Variants in ABCC3 observed in about 807,000 individuals in gnomAD.
The protein encoded by ABCC3 is ATP binding cassette subfamily C member 3.
Under a neutral mutation model 165.3 loss-of-function variants are expected in ABCC3, and 121 were observed. The observed-to-expected ratio is 0.73, with a 90% CI of 0.63 to 0.85. The LOEUF is 0.85. Ranked by LOEUF, ABCC3 falls within the 40% of genes least tolerant of loss-of-function variation. ABCC3 has a pLI of 0.00. For synonymous variants in ABCC3, 733 were observed against 810.1 expected (o/e 0.90, Z 1.62); for missense variants, 1,869 against 1,964.1 (o/e 0.95, Z 0.92).
intron 1 of ABCC3, among the ~76,000 whole-genome samples, chr17:50,653,344 C>CAAAAAAAAAAAAAAAAAAA (rs1298179994): frequency 2.7e-4 from 13 of 47,552 alleles, no homozygotes; most frequent in South Asian, 8.4e-4. Flanking sequence ...GAGACTGTCT[C>CAAAAAAAAAAAAAAAAAAA]AAAAAAAAAA....
Position 50,691,204 on chromosome 17 carries a change from A to G in ABCC3, c.*4A>G. The stretch of plus-strand genomic sequence containing the variant: ...CAGAGATGCTGGACTTGCCTAAAAT[A>G]TATTCCTGAGATTTCCTCCTGGCCT... On this transcript the variant is annotated 3_prime_UTR_variant, in exon 31 of 31. Coordinates refer to ENST00000285238, the MANE Select transcript of ABCC3 (RefSeq NM_003786.4). 1.6e-5 allele frequency: 26 copies of G among 1,608,428 alleles called. No individual in the cohort carries two copies. The highest frequency in any genetic ancestry group is 2.1e-5 in the Non-Finnish European group (25 of 1,174,854).
chr17:50,667,812 A>C (rs756333008), intron 12 of ABCC3, 51 bp from the exon 13 acceptor site: 1 of 1,613,644 alleles, frequency 6.2e-7, no homozygotes, highest in East Asian at 2.2e-5. Context: ...GTGCCCAGGC[A>C]TGGCCAGGGC....
chr17:50,663,164 G>A (rs1332741426), intron 8 of ABCC3: 1 of 155,050 alleles, frequency 6.4e-6, no homozygotes, highest in African/African-American at 2.4e-5. Flanking sequence ...GGGCTGGGAT[G>A]GGCCTGAAGG....
chr17:50,654,012 G>T (rs1156291335), intron 1 of ABCC3, among the ~76,000 whole-genome samples: 1 of 152,142 alleles, frequency 6.6e-6, no homozygotes, highest in African/African-American at 2.4e-5. Flanking sequence ...ATTAAGTTGG[G>T]TTTCAGTTCA....
rs922745071 is a variant in ABCC3, at chr17:50,691,744, G to A, written c.*544G>A. On this transcript the variant is annotated 3_prime_UTR_variant, in exon 31 of 31. Coordinates refer to ENST00000285238, the MANE Select transcript of ABCC3 (RefSeq NM_003786.4). ...TTTGCACTTGTTCACAAGGTTTGGG[G>A]ATTAGGATCTTTGGAGGAGGCCAAG... 4 of 152,472 alleles carry A rather than the reference G, an allele frequency of 2.6e-5. No individual in the cohort carries two copies. The highest frequency in any genetic ancestry group is 9.7e-5 in the African/African-American group (4 of 41,412). The allele number at this position is 152,472 out of a possible 1,614,324, so 9.4% of individuals were successfully genotyped here.
rs918656701 is a variant in ABCC3 at position 50,643,715 on chromosome 17, T to C, written c.45+8734T>C. 6.8e-6 allele frequency: 3 copies of C among 440,484 alleles called. No individual in the cohort carries two copies. In the Admixed American group the frequency reaches 7.2e-5, roughly 11 times the overall value. 27.3% of individuals were successfully genotyped at this position (440,484 alleles called of 1,614,324 possible). A position where few individuals can be genotyped will look rare whatever the true frequency, so the allele number is the denominator to read the frequency against. On this transcript the variant is annotated intron_variant, in intron 1 of 30. Transcript: ENST00000285238. ...TCCCTGGAGTGGTTAGGTTAGGATT[T>C]TGACAAGTGGTAAAAAGAGGGACTA...
chr17:50,635,874 C>A, intron 1 of ABCC3: 2 of 351,560 alleles, frequency 5.7e-6, no homozygotes, highest in Non-Finnish European at 1.0e-5. Flanking sequence ...AAGAGTGAGA[C>A]CCTGTCTCTA....
Position 50,678,099 on chromosome 17 carries a change from G to A in ABCC3, c.3585G>A (p.Leu1195=). ...CTCATCTGATCCCCCATAGGTGGCT[G>A]AGCATCGGAGTGGAGTTCGTGGGGA... The part of the protein sequence containing the change: ...CYPYIISNRW[L]SIGVEFVGNC... Residue 1195 remains leucine (L), a synonymous_variant, in exon 25 of 31, where the codon CTG becomes CTA. Coordinates refer to ENST00000285238, the MANE Select transcript of ABCC3 (RefSeq NM_003786.4). The A allele has an allele frequency of 6.2e-7, 1 of 1,602,390 alleles. No homozygotes were observed.
Position 50,691,120 on chromosome 17 carries a change from G to A in ABCC3, c.4504G>A (p.Ala1502Thr), listed in dbSNP as rs1968115533. 1.2e-6 allele frequency: 2 copies of A among 1,614,106 alleles called. No homozygotes were observed. Among genetic ancestry groups the A allele is most frequent in the African/African-American group, 1.3e-5 (1 of 75,042 alleles). ...RVLVLDKGVV[A>T]EFDSPANLIA... is the part of the protein sequence containing the mutation. Reference sequence around the variant, plus strand: ...CCTGGTCCTGGACAAAGGAGTAGTAGCTGAATTTGATTCTCCAGCCAACCT... The same window carrying A: ...CCTGGTCCTGGACAAAGGAGTAGTAACTGAATTTGATTCTCCAGCCAACCT... Residue 1502 changes from alanine to threonine, a missense_variant, in exon 31 of 31, where the codon GCT becomes ACT. By Grantham distance (58) the Ala-to-Thr change is moderately conservative. Transcript: ENST00000285238.
intron 4 of ABCC3, 121 bp downstream of exon 4, chr17:50,657,304 G>T: frequency 1.5e-6 from 2 of 1,329,308 alleles, no homozygotes; most frequent in Non-Finnish European, 2.1e-6. Context: ...AAACACAATT[G>T]TGTTGTTCTC....
Position 50,643,869 on chromosome 17 carries a change from T to C in ABCC3, c.45+8888T>C, listed in dbSNP as rs1301006689. Among the ~76,000 whole-genome samples, 10 of 151,298 alleles carry C rather than the reference T, an allele frequency of 6.6e-5. No homozygotes were observed. In the South Asian group the frequency reaches 1.7e-3, roughly 25 times the overall value. Reference sequence around the variant, plus strand: ...CATGGGGGGGGTCTTGAGGACCAGGTTGGGTGCTAGGATGTGGCTTCATGA... The same window carrying C: ...CATGGGGGGGGTCTTGAGGACCAGGCTGGGTGCTAGGATGTGGCTTCATGA... On this transcript the variant is annotated intron_variant, in intron 1 of 30. Coordinates refer to ENST00000285238, the MANE Select transcript of ABCC3 (RefSeq NM_003786.4).
chr17:50,657,440 C>T lies in ABCC3; in HGVS notation c.486+257C>T, dbSNP rs547225794. Reference sequence around the variant, plus strand: ...TAGGGGGCTGTTCCACAGCACCCACCCACCAAGTGCAATATCTGACGTGGG... The same window carrying T: ...TAGGGGGCTGTTCCACAGCACCCACTCACCAAGTGCAATATCTGACGTGGG... On this transcript the variant is annotated intron_variant, in intron 4 of 30. Coordinates refer to ENST00000285238, the MANE Select transcript of ABCC3 (RefSeq NM_003786.4). Among the ~76,000 whole-genome samples, 11 of 152,298 alleles carry T rather than the reference C, an allele frequency of 7.2e-5. No homozygotes were observed. In the East Asian group the frequency reaches 2.1e-3, roughly 29 times the overall value.
intron 15 of ABCC3, 46 bp from the exon 16 acceptor site, chr17:50,669,094 C>T (rs749453020): frequency 6.3e-7 from 1 of 1,587,262 alleles, no homozygotes; most frequent in Non-Finnish European, 8.6e-7. Context: ...GAGACCAAAA[C>T]CCTGATCCCT....
At chr17:50,670,781 G>C (rs1967631318) in intron 17 of ABCC3, among the ~76,000 whole-genome samples, 1 of 152,164 alleles carries the variant, frequency 6.6e-6, no homozygotes, top group Admixed American at 6.5e-5. Context: ...ATGGAACCCT[G>C]TATGGGGTCT....
chr17:50,673,687 C>T (rs1365350309), intron 19 of ABCC3, 29 bp downstream of exon 19: 1 of 1,607,054 alleles, frequency 6.2e-7, no homozygotes, highest in Non-Finnish European at 8.5e-7. Context: ...CCTCTGATTC[C>T]CATGCCTTCC....
chr17:50,672,586 A>G (rs1443974506), intron 17 of ABCC3, among the ~76,000 whole-genome samples: 2 of 152,188 alleles, frequency 1.3e-5, no homozygotes, highest in Admixed American at 6.5e-5. Context: ...CTGGTCAGGC[A>G]CAGTGGCTCA....
intron 30 of ABCC3, among the ~76,000 whole-genome samples, chr17:50,688,203 C>T (rs965597993): frequency 6.6e-6 from 1 of 152,156 alleles, no homozygotes; most frequent in Non-Finnish European, 1.5e-5. Context: ...AGCCACTGCG[C>T]CCAGCTTCAA....
In ABCC3 at chr17:50,658,181, T is replaced by C; in HGVS notation, c.586T>C (p.Phe196Leu). 6.2e-7 allele frequency: 1 copy of C among 1,614,172 alleles called. No individual in the cohort carries two copies. Among genetic ancestry groups the C allele is most frequent in the Non-Finnish European group, 8.5e-7 (1 of 1,180,006 alleles). The change falls in exon 5 of 31, where the codon TTT becomes CTT. Residue 196 changes from phenylalanine (F) to leucine (L), a missense_variant. Transcript: ENST00000285238. Reference sequence around the variant, plus strand: ...GGCCTGCTTCAGGGAGAAACCTCCATTTTTCTCCGCAAAGAATGTCGACCC... The same window carrying C: ...GGCCTGCTTCAGGGAGAAACCTCCACTTTTCTCCGCAAAGAATGTCGACCC... ...ILACFREKPP[F>L]FSAKNVDPNP... is the part of the protein sequence containing the mutation.
At chr17:50,655,636 T>C (rs1200714224) in intron 1 of ABCC3, among the ~76,000 whole-genome samples, 196 bp from the exon 2 acceptor site, 2 of 152,000 alleles carry the variant, frequency 1.3e-5, no homozygotes, top group Non-Finnish European at 2.9e-5. Context: ...TATAAGGAAA[T>C]GGGGGCAGCC....
Sources: allele counts gnomAD v4.1 joint callset (sites outside exome capture counted in the v4.1 genomes callset), GRCh38; gene constraint gnomAD v4.1.1; transcripts MANE v1.5; gene names NCBI Gene and HGNC (gene_info 2026-07-23, HGNC 2026-07-21).